CHD4: variants seen among roughly 807,000 people sequenced by gnomAD.
The protein encoded by CHD4 is ATP-dependent chromatin remodeler CHD4.
Under a neutral mutation model 235.5 loss-of-function variants are expected in CHD4, and 35 were observed. The ratio of observed to expected loss-of-function variants is 0.15; its 90% confidence interval spans 0.11 to 0.20. The LOEUF is 0.20. Ranked by LOEUF, CHD4 falls within the 10% of genes least tolerant of loss-of-function variation. CHD4 has a pLI of 1.00. For synonymous variants in CHD4, 900 were observed against 850.2 expected, an observed-to-expected ratio of 1.06 and a Z score of -1.02; for missense variants, 1,329 against 2,432.3, an observed-to-expected ratio of 0.55 and a Z score of 9.54.
intron 12 of CHD4, among the ~76,000 whole-genome samples, chr12:6,596,388 G>A (rs1036067300): frequency 6.6e-6 from 1 of 152,052 alleles, no homozygotes; most frequent in Non-Finnish European, 1.5e-5. Context: ...AGTGGCTCAC[G>A]CCTGTAATCC....
chr12:6,588,468 CAATTCATAAAT>C (rs756461519), intron 22 of CHD4, 46 bp from the exon 23 acceptor site: 2 of 1,601,148 alleles, frequency 1.2e-6, no homozygotes, highest in African/African-American at 2.7e-5. Context: ...TCCTAAATTC[CAATTCATAAAT>C]GTAGTTTAAA....
intron 37 of CHD4, 161 bp from the exon 38 acceptor site, chr12:6,573,430 C>T (rs1948013723): frequency 4.3e-6 from 2 of 464,716 alleles, no homozygotes; most frequent in Non-Finnish European, 7.1e-6. Context: ...TTAACTTTGC[C>T]TTGTAACTTT....
intron 7 of CHD4, 71 bp from the exon 8 acceptor site, chr12:6,600,740 T>A: frequency 6.4e-7 from 1 of 1,568,616 alleles, no homozygotes; most frequent in South Asian, 1.2e-5. Flanking sequence ...GAGAGGGGAG[T>A]ACTCTCTCAC....
intron 12 of CHD4, among the ~76,000 whole-genome samples, chr12:6,596,861 G>A (rs901244508): frequency 5.3e-5 from 8 of 152,038 alleles, no homozygotes; most frequent in African/African-American, 1.4e-4. Flanking sequence ...TCTGGAGGCT[G>A]AGGCAGAGAA....
At chr12:6,594,690 C>T in intron 14 of CHD4, 40 bp from the exon 15 acceptor site, 2 of 1,555,628 alleles carry the variant, frequency 1.3e-6, no homozygotes, top group Non-Finnish European at 1.8e-6. Flanking sequence ...TGGCAAGGAA[C>T]TCCCCTCCTC....
At chr12:6,591,268 G>A (rs1948395144) in intron 22 of CHD4, 198 bp downstream of exon 22, 3 of 519,954 alleles carry the variant, frequency 5.8e-6, no homozygotes, top group Non-Finnish European at 1.0e-5. Context: ...CTAGCAGAAA[G>A]AACAAATACC....
chr12:6,578,927 G>A lies in CHD4; in HGVS notation c.4910-10C>T. 1 of 1,613,168 alleles carries A rather than the reference G, an allele frequency of 6.2e-7. No individual in the cohort carries two copies. The highest frequency in any genetic ancestry group is 8.5e-7 in the Non-Finnish European group (1 of 1,179,144). The stretch of plus-strand genomic sequence containing the variant: ...TCTACATCAGCAGCACCTAGGGGAA[G>A]AAATGTTATTGAGACTATACCTAAA... On this transcript the variant is annotated splice_polypyrimidine_tract_variant and intron_variant, in intron 33 of 39. Coordinates refer to ENST00000544040, the MANE Select transcript of CHD4 (RefSeq NM_001273.5).
chr12:6,596,236 T>C (rs1277775830), intron 12 of CHD4, 99 bp from the exon 13 acceptor site: 4 of 1,453,348 alleles, frequency 2.8e-6, no homozygotes, highest in Non-Finnish European at 3.7e-6. Flanking sequence ...ACCAGACCTC[T>C]AGGTATGCCA....
At chr12:6,581,583 G>A (rs763117525) in intron 31 of CHD4, 66 bp downstream of exon 31, 34 of 1,607,502 alleles carry the variant, frequency 2.1e-5, no homozygotes, top group Middle Eastern at 1.6e-4. Flanking sequence ...ACTGAGCACA[G>A]GGGAGCAGAA....
chr12:6,590,711 G>C (rs1948379804), intron 22 of CHD4, among the ~76,000 whole-genome samples: 1 of 152,116 alleles, frequency 6.6e-6, no homozygotes, highest in African/African-American at 2.4e-5. Flanking sequence ...GCCCCAGCTA[G>C]TTGGGAGGCT....
In CHD4 at chr12:6,602,392, T is replaced by C. The variant is rs774371323; in HGVS notation, c.206A>G (p.Lys69Arg). The C allele has an allele frequency of 1.2e-6, 2 of 1,613,658 alleles. No homozygotes were observed. The highest frequency in any genetic ancestry group is 1.7e-6 in the Non-Finnish European group (2 of 1,179,822). ...CCCACTCACCTCCTTTTTTTGGCGC[T>C]TGCTCTTAGGGATTTTAGGGTCCCG... ...KPRDPKIPKS[K>R]RQKKERMLLC... The change falls in exon 3 of 40, where the codon AAG becomes AGG. Residue 69 changes from lysine to arginine, a missense_variant. Around this residue, in one of 26 missense-constraint regions of CHD4, gnomAD observed 213 missense variants for 177.5 expected, o/e 1.20. Coordinates refer to ENST00000544040, the MANE Select transcript of CHD4 (RefSeq NM_001273.5).
In CHD4 at chr12:6,588,259, A is replaced by C. The variant is rs764598745; in HGVS notation, c.3465+39T>G. On this transcript the variant is annotated intron_variant, in intron 23 of 39. Transcript: ENST00000544040. Reference sequence around the variant, plus strand: ...GAGGCCACTATGCCTTTCTAGCATAACATGTTACTTATTAAGGCTGCCTGC... The same window carrying C: ...GAGGCCACTATGCCTTTCTAGCATACCATGTTACTTATTAAGGCTGCCTGC... 138 of 1,606,770 alleles carry C rather than the reference A, an allele frequency of 8.6e-5. No homozygotes were observed. The South Asian group carries it at 1.1e-3, about 12-fold the overall frequency.
intron 10 of CHD4, 89 bp downstream of exon 10, chr12:6,599,684 T>C: frequency 2.6e-6 from 4 of 1,526,638 alleles, no homozygotes; most frequent in Non-Finnish European, 1.8e-6. Flanking sequence ...AAGCTCATAG[T>C]TCCTCTCCTG....
intron 37 of CHD4, among the ~76,000 whole-genome samples, chr12:6,574,334 T>G (rs541008985): frequency 1.8e-3 from 267 of 152,340 alleles, no homozygotes; most frequent in Non-Finnish European, 2.8e-3. Context: ...GTTTCACCTA[T>G]GCATTCTCCT....
intron 7 of CHD4, 72 bp downstream of exon 7, chr12:6,600,854 G>A (rs1018974099): frequency 3.9e-6 from 6 of 1,524,668 alleles, no homozygotes; most frequent in Non-Finnish European, 5.3e-6. Flanking sequence ...ATGAAGGACA[G>A]GTTCTGATAG....
At chr12:6,592,178 C>T (rs113016182) in intron 19 of CHD4, 121 bp from the exon 20 acceptor site, 33 of 1,311,512 alleles carry the variant, frequency 2.5e-5, no homozygotes, top group African/African-American at 7.3e-5. Context: ...GGACACCTAA[C>T]GCACAAGCAC....
intron 14 of CHD4, 85 bp downstream of exon 14, chr12:6,595,249 C>T: frequency 8.6e-7 from 1 of 1,160,318 alleles, no homozygotes; most frequent in Non-Finnish European, 1.3e-6. Context: ...ATCTGCATTT[C>T]ATTACTTAAG....
chr12:6,592,154 C>CACT, intron 19 of CHD4, 97 bp from the exon 20 acceptor site: 1 of 1,466,796 alleles, frequency 6.8e-7, no homozygotes, highest in Non-Finnish European at 9.4e-7. Flanking sequence ...CAACACATCC[C>CACT]ACTTTGGAAC....
At chr12:6,588,184 T>A in intron 23 of CHD4, 114 bp downstream of exon 23, 1 of 1,369,444 alleles carries the variant, frequency 7.3e-7, no homozygotes, top group Non-Finnish European at 9.9e-7. Context: ...ACAAAAAGAA[T>A]CTGTTGTTTC....
Sources: allele counts gnomAD v4.1 joint callset (sites outside exome capture counted in the v4.1 genomes callset), GRCh38; gene constraint gnomAD v4.1.1; regional missense constraint gnomAD v4.1.1; transcripts MANE v1.5; gene names NCBI Gene and HGNC (gene_info 2026-07-23, HGNC 2026-07-21).